Variants in SCHIP1 observed in about 807,000 individuals in gnomAD.
The protein encoded by SCHIP1 is schwannomin interacting protein 1, also known as schwannomin-interacting protein 1.
SCHIP1 carries 8 observed loss-of-function variants against 29.7 expected under a neutral mutation model. The observed-to-expected ratio is 0.27, with a 90% CI of 0.16 to 0.49. SCHIP1 has a LOEUF of 0.49. Ranked by LOEUF, SCHIP1 falls within the 20% of genes least tolerant of loss-of-function variation. The probability of loss-of-function intolerance (pLI) is 0.99; values close to 1 mark genes in which losing one functional copy is unlikely to be tolerated. For synonymous variants in SCHIP1, 76 were observed against 94.9 expected, an observed-to-expected ratio of 0.80 and a Z score of 1.16; for missense variants, 193 against 294.6, an observed-to-expected ratio of 0.66 and a Z score of 2.52.
intron 2 of SCHIP1, among the ~76,000 whole-genome samples, chr3:159,883,046 C>T (rs1053869363): frequency 1.3e-5 from 2 of 152,178 alleles, no homozygotes; most frequent in African/African-American, 2.4e-5. Flanking sequence ...CTCCGGGCAG[C>T]AGCGTTGTTT....
the SCHIP1 span, among the ~76,000 whole-genome samples, chr3:159,798,907 TAAAAC>T: frequency 2.0e-5 from 3 of 152,244 alleles, no homozygotes; most frequent in Non-Finnish European, 2.9e-5. Context: ...AATCATGAGT[TAAAAC>T]AAAGTGAATT....
chr3:159,368,681 T>C, the SCHIP1 span, among the ~76,000 whole-genome samples: 1 of 152,116 alleles, frequency 6.6e-6, no homozygotes, highest in South Asian at 2.1e-4. Context: ...TGCTAGGACA[T>C]GCACACTACA....
At chr3:159,726,287 C>T in the SCHIP1 span, among the ~76,000 whole-genome samples, 186 of 152,268 alleles carry the variant, frequency 1.2e-3, no homozygotes, top group African/African-American at 4.4e-3. Context: ...TGCAGCTCCA[C>T]GTGTTGCAAA....
the SCHIP1 span, among the ~76,000 whole-genome samples, chr3:159,661,105 A>G: frequency 6.6e-5 from 10 of 152,204 alleles, no homozygotes; most frequent in African/African-American, 2.4e-4. Flanking sequence ...CTGAGCTATG[A>G]TAAGAAGGGA....
chr3:159,500,696 G>T, the SCHIP1 span, among the ~76,000 whole-genome samples: 5 of 150,402 alleles, frequency 3.3e-5, no homozygotes. Flanking sequence ...CCTGGCGAAA[G>T]AGCGAGACTC....
At chr3:159,454,492 A>G in the SCHIP1 span, among the ~76,000 whole-genome samples, 1 of 152,214 alleles carries the variant, frequency 6.6e-6, no homozygotes, top group Non-Finnish European at 1.5e-5. Flanking sequence ...AGCAGAACTC[A>G]GTAAAAAGAG....
At chr3:159,776,332 C>CTTTTTTTTTTTTTT in the SCHIP1 span, among the ~76,000 whole-genome samples, 2 of 135,424 alleles carry the variant, frequency 1.5e-5, no homozygotes, top group African/African-American at 2.9e-5. Flanking sequence ...AGTGTTCTGT[C>CTTTTTTTTTTTTTT]TTTTTTTTTT....
chr3:159,702,353 T>G, the SCHIP1 span, among the ~76,000 whole-genome samples: 1 of 152,186 alleles, frequency 6.6e-6, no homozygotes, highest in South Asian at 2.1e-4. Context: ...TCCTCAGTTA[T>G]CATTTTGTGA....
At chr3:159,362,786 C>T in the SCHIP1 span, among the ~76,000 whole-genome samples, 1 of 152,110 alleles carries the variant, frequency 6.6e-6, no homozygotes, top group Non-Finnish European at 1.5e-5. Flanking sequence ...TTATCCCCAT[C>T]CATTTCCTCT....
chr3:159,815,875 C>A, the SCHIP1 span, among the ~76,000 whole-genome samples: 2 of 152,246 alleles, frequency 1.3e-5, no homozygotes, highest in South Asian at 2.1e-4. Flanking sequence ...AGATGCCACC[C>A]CCGTTCTGCA....
the SCHIP1 span, among the ~76,000 whole-genome samples, chr3:159,474,460 G>C: frequency 6.6e-6 from 1 of 152,124 alleles, no homozygotes; most frequent in Non-Finnish European, 1.5e-5. Flanking sequence ...TGATTAAATA[G>C]AGTATCTTAT....
chr3:159,395,236 G>GTCTA, the SCHIP1 span, among the ~76,000 whole-genome samples: 1 of 151,982 alleles, frequency 6.6e-6, no homozygotes, highest in East Asian at 1.9e-4. Context: ...CTTGCTAGCG[G>GTCTA]TCTATCTATT....
chr3:159,554,421 A>G, the SCHIP1 span, among the ~76,000 whole-genome samples: 1 of 152,162 alleles, frequency 6.6e-6, no homozygotes, highest in Non-Finnish European at 1.5e-5. Context: ...GGCCTTAGAT[A>G]CATTCCTACC....
the SCHIP1 span, among the ~76,000 whole-genome samples, chr3:159,474,260 G>A: frequency 4.6e-5 from 7 of 152,016 alleles, no homozygotes; most frequent in African/African-American, 1.4e-4. Context: ...CTTTGTTTTT[G>A]ACCATTTCAC....
the SCHIP1 span, among the ~76,000 whole-genome samples, chr3:159,293,410 G>A: frequency 6.6e-6 from 1 of 152,318 alleles, no homozygotes; most frequent in Non-Finnish European, 1.5e-5. Flanking sequence ...AGGCCACCAA[G>A]TTTGCTCCAT....
chr3:159,687,795 C>T, the SCHIP1 span, among the ~76,000 whole-genome samples: 1 of 152,162 alleles, frequency 6.6e-6, no homozygotes, highest in Admixed American at 6.5e-5. Context: ...GTTCCCCTTC[C>T]TGTGCCCATA....
chr3:159,647,619 A>G, the SCHIP1 span, among the ~76,000 whole-genome samples: 6 of 152,126 alleles, frequency 3.9e-5, no homozygotes, highest in Non-Finnish European at 5.9e-5. Flanking sequence ...CTTCACAGTC[A>G]TTGCACTTTG....
the SCHIP1 span, among the ~76,000 whole-genome samples, chr3:159,307,577 G>A: frequency 6.6e-6 from 1 of 152,070 alleles, no homozygotes; most frequent in Admixed American, 6.6e-5. Context: ...GTTTGATAAG[G>A]TTCCACTTGT....
chr3:159,738,222 A>T, the SCHIP1 span, among the ~76,000 whole-genome samples: 1 of 151,178 alleles, frequency 6.6e-6, no homozygotes, highest in Non-Finnish European at 1.5e-5. Context: ...ATTGTTTTTC[A>T]GATCTTCAAT....
Sources: gnomAD v4.1 joint callset for allele counts (sites outside exome capture counted in the v4.1 genomes callset) on GRCh38, gnomAD v4.1.1 for gene constraint, MANE v1.5 for transcripts, NCBI Gene and HGNC (gene_info 2026-07-23, HGNC 2026-07-21) for gene names.